EIF4G3: variants seen among roughly 807,000 people sequenced by gnomAD.
The protein encoded by EIF4G3 is eukaryotic translation initiation factor 4 gamma 3, also known as eIF-4-gamma 3.
In EIF4G3, 34 loss-of-function variants were observed where a neutral mutation model predicts 186.4. The observed-to-expected ratio is 0.18, with a 90% CI of 0.14 to 0.24. EIF4G3 has a LOEUF of 0.24. Among genes scored for constraint, EIF4G3 ranks in the 10% least tolerant of loss-of-function variants. The pLI is 1.00. For synonymous variants in EIF4G3, 673 were observed against 679.5 expected (o/e 0.99, Z 0.15); for missense variants, 1,536 against 1,948.5 (o/e 0.79, Z 3.99).
chr1:21,113,292 A>G (rs10916937), intron 2 of EIF4G3, among the ~76,000 whole-genome samples: 56,113 of 151,700 alleles, frequency 0.37, 11,007 homozygotes, highest in Non-Finnish European at 0.43. Context: ...TTTTTTAATA[A>G]GCTTTCTTAG....
chr1:20,857,822 C>T (rs2075390115), intron 24 of EIF4G3, among the ~76,000 whole-genome samples: 1 of 152,206 alleles, frequency 6.6e-6, no homozygotes, highest in African/African-American at 2.4e-5. Flanking sequence ...ATGACTAGAA[C>T]ACTTTCGGAG....
At chr1:20,926,686 A>T (rs2094921294) in intron 14 of EIF4G3, among the ~76,000 whole-genome samples, 1 of 151,794 alleles carries the variant, frequency 6.6e-6, no homozygotes, top group African/African-American at 2.4e-5. Context: ...AAAAGAAAAA[A>T]AAAAAAAAAC....
chr1:21,164,585 G>T (rs2097824371), intron 2 of EIF4G3, among the ~76,000 whole-genome samples: 2 of 152,146 alleles, frequency 1.3e-5, no homozygotes, highest in African/African-American at 4.8e-5. Flanking sequence ...AACTAGGCAG[G>T]AGTGGTGGCT....
At chr1:20,906,185 C>T (rs975296937) in intron 14 of EIF4G3, among the ~76,000 whole-genome samples, 1 of 152,118 alleles carries the variant, frequency 6.6e-6, no homozygotes, top group African/African-American at 2.4e-5. Flanking sequence ...CCTTTGTGTC[C>T]TACTCAAGGT....
chr1:20,968,230 A>G (rs2075127957), intron 12 of EIF4G3, among the ~76,000 whole-genome samples: 1 of 150,118 alleles, frequency 6.7e-6, no homozygotes, highest in Non-Finnish European at 1.5e-5. Context: ...CAGGCTGGTG[A>G]GTACAGCAGC....
At chr1:21,156,276 CCT>C (rs2097660093) in intron 2 of EIF4G3, among the ~76,000 whole-genome samples, 1 of 152,158 alleles carries the variant, frequency 6.6e-6, no homozygotes. Context: ...CGTTGATCCT[CCT>C]CTTTCCTCTC....
At chr1:20,990,830 C>T (rs549048657) in intron 7 of EIF4G3, among the ~76,000 whole-genome samples, 2 of 152,250 alleles carry the variant, frequency 1.3e-5, no homozygotes, top group African/African-American at 4.8e-5. Context: ...GCTTGATTGT[C>T]GTGGTCTGAA....
intron 2 of EIF4G3, among the ~76,000 whole-genome samples, chr1:21,141,049 G>C: frequency 6.6e-6 from 1 of 151,978 alleles, no homozygotes; most frequent in South Asian, 2.1e-4. Context: ...TATTTATTCA[G>C]CTAAATATCT....
At chr1:21,160,084 G>A (rs1174102367) in intron 2 of EIF4G3, among the ~76,000 whole-genome samples, 1 of 147,634 alleles carries the variant, frequency 6.8e-6, no homozygotes, top group Non-Finnish European at 1.5e-5. Context: ...TCCAGCTTGG[G>A]CAGCAAGAGC....
chr1:21,041,871 C>T (rs979556038), intron 4 of EIF4G3, among the ~76,000 whole-genome samples: 2 of 151,744 alleles, frequency 1.3e-5, no homozygotes, highest in Non-Finnish European at 2.9e-5. Context: ...CTTAGCCCTT[C>T]GTGTTACATT....
rs182261918 is a variant in EIF4G3, at chr1:21,086,461, G to C, written c.-196+2677C>G. ...TTATGTCATAGTGAACTGTCTACTGGCCATTCCATTAACCACGCCTCTGGA... is the reference window on the plus strand; with the variant it reads ...TTATGTCATAGTGAACTGTCTACTGCCCATTCCATTAACCACGCCTCTGGA... On this transcript the variant is annotated intron_variant, in intron 3 of 36. Transcript: ENST00000602326. Among the ~76,000 whole-genome samples the C allele has an allele frequency of 4.9e-4, 74 of 152,026 alleles. 1 individual carries two copies. The East Asian group carries it at 0.013, about 27-fold the overall frequency.
chr1:21,082,171 C>A (rs2095810952), intron 3 of EIF4G3, among the ~76,000 whole-genome samples: 2 of 147,228 alleles, frequency 1.4e-5, no homozygotes, highest in African/African-American at 5.1e-5. Context: ...GTGTAAAAAG[C>A]CTGCATACCA....
intron 18 of EIF4G3, chr1:20,892,501 T>G: frequency 1.3e-6 from 1 of 795,528 alleles, no homozygotes; most frequent in East Asian, 2.7e-5. Flanking sequence ...CTGCACTCTT[T>G]TGTACATGTC....
At chr1:21,163,526 A>C (rs2102981111) in intron 2 of EIF4G3, among the ~76,000 whole-genome samples, 1 of 152,314 alleles carries the variant, frequency 6.6e-6, no homozygotes, top group African/African-American at 2.4e-5. Flanking sequence ...AGACATGCAT[A>C]ATAATTTAAA....
intron 26 of EIF4G3, 46 bp downstream of exon 26, chr1:20,854,932 T>C (rs1355596414): frequency 1.3e-6 from 2 of 1,529,082 alleles, no homozygotes; most frequent in South Asian, 1.1e-5. Context: ...GTAAGGCAAA[T>C]GCTAACAAGC....
chr1:20,857,677 A>G (rs1216569809), intron 24 of EIF4G3, among the ~76,000 whole-genome samples, 180 bp from the exon 25 acceptor site: 2 of 152,204 alleles, frequency 1.3e-5, no homozygotes, highest in Non-Finnish European at 2.9e-5. Flanking sequence ...TATCAGCAGA[A>G]GCACCCTGTA....
intron 12 of EIF4G3, among the ~76,000 whole-genome samples, chr1:20,956,241 A>G (rs1270055454): frequency 6.6e-6 from 1 of 152,118 alleles, no homozygotes; most frequent in Non-Finnish European, 1.5e-5. Context: ...CCCATTACAC[A>G]CCTCAAAAAT....
At chr1:21,015,864 T>G (rs548592295) in intron 4 of EIF4G3, among the ~76,000 whole-genome samples, 1 of 151,650 alleles carries the variant, frequency 6.6e-6, no homozygotes, top group Non-Finnish European at 1.5e-5. Context: ...TTAATGAAAT[T>G]AATAAGCTGA....
At chr1:20,939,517 C>T (rs1008584633) in intron 14 of EIF4G3, among the ~76,000 whole-genome samples, 5 of 152,098 alleles carry the variant, frequency 3.3e-5, no homozygotes, top group African/African-American at 9.7e-5. Context: ...AATATCAGGT[C>T]ATCTAAGTGG....
Sources: gnomAD v4.1 joint callset for allele counts (sites outside exome capture counted in the v4.1 genomes callset) on GRCh38, gnomAD v4.1.1 for gene constraint, MANE v1.5 for transcripts, NCBI Gene and HGNC (gene_info 2026-07-23, HGNC 2026-07-21) for gene names.